P2RX7: variants seen among roughly 807,000 people sequenced by gnomAD.
P2RX7 encodes purinergic receptor P2X 7, also known as P2X purinoceptor 7.
In P2RX7, 62 loss-of-function variants were observed where a neutral mutation model predicts 71.6. That is an observed-to-expected ratio of 0.87 (90% confidence interval 0.71 to 1.07). P2RX7 has a LOEUF of 1.07. Ranked by LOEUF, P2RX7 falls within the 50% of genes least tolerant of loss-of-function variation. P2RX7 has a pLI of 0.00. For synonymous variants in P2RX7, 299 were observed against 283.3 expected, an observed-to-expected ratio of 1.06 and a Z score of -0.56; for missense variants, 686 against 748.5, an observed-to-expected ratio of 0.92 and a Z score of 0.97.
At chr12:121,166,342 C>A (rs1180652670) in intron 7 of P2RX7, among the ~76,000 whole-genome samples, 155 bp downstream of exon 7, 1 of 152,208 alleles carries the variant, frequency 6.6e-6, no homozygotes, top group Non-Finnish European at 1.5e-5. Flanking sequence ...ACTTTACCTA[C>A]CATACCTCGT....
At chr12:121,162,604 T>A in intron 5 of P2RX7, 84 bp downstream of exon 5, 1 of 1,513,598 alleles carries the variant, frequency 6.6e-7, no homozygotes, top group South Asian at 1.2e-5. Flanking sequence ...CCTTCCCCTC[T>A]CAGCACAGCC....
At chr12:121,174,385 T>G (rs552331164) in intron 8 of P2RX7, among the ~76,000 whole-genome samples, 50 of 152,146 alleles carry the variant, frequency 3.3e-4, no homozygotes, top group South Asian at 1.5e-3. Context: ...CCTGTAGTGG[T>G]GCACGCTTGT....
chr12:121,137,830 G>C (rs986431410), intron 1 of P2RX7, among the ~76,000 whole-genome samples: 1 of 152,250 alleles, frequency 6.6e-6, no homozygotes, highest in African/African-American at 2.4e-5. Flanking sequence ...ACAGCAGCAA[G>C]TGACAGGTTC....
At chr12:121,170,247 C>T (rs796292136) in intron 8 of P2RX7, among the ~76,000 whole-genome samples, 32 of 152,266 alleles carry the variant, frequency 2.1e-4, no homozygotes, top group African/African-American at 7.7e-4. Flanking sequence ...CCCTGACTGA[C>T]TGCCCTTCCA....
At chr12:121,174,484 G>A (rs984905876) in intron 8 of P2RX7, among the ~76,000 whole-genome samples, 1 of 152,132 alleles carries the variant, frequency 6.6e-6, no homozygotes, top group African/African-American at 2.4e-5. Flanking sequence ...TCATGCCAGT[G>A]CTCTCCAACC....
At position 121,155,447 on chromosome 12, in the gene P2RX7, T is replaced by A; in HGVS notation, c.294+494T>A. On this transcript the variant is annotated intron_variant, in intron 2 of 12. Transcript: ENST00000328963. ...GCATCGGTCACTGAGAGAAGGCGTG[T>A]GACTTCTAGATTTGCAAGCAGGGAA... 4.2e-6 allele frequency: 5 copies of A among 1,187,086 alleles called. No individual in the cohort carries two copies. In the South Asian group the frequency reaches 6.4e-5, roughly 15 times the overall value. 73.5% of individuals were successfully genotyped at this position (1,187,086 alleles called of 1,614,324 possible). A position where few individuals can be genotyped will look rare whatever the true frequency, so the allele number is the denominator to read the frequency against.
chr12:121,148,882 C>A (rs917109494), intron 1 of P2RX7: 1 of 332,860 alleles, frequency 3.0e-6, no homozygotes, highest in Non-Finnish European at 5.9e-6. Context: ...ACAGTCCTGG[C>A]GCTACTGTTC....
intron 3 of P2RX7, among the ~76,000 whole-genome samples, chr12:121,157,338 G>A (rs1047420775): frequency 6.6e-6 from 1 of 152,198 alleles, no homozygotes; most frequent in Non-Finnish European, 1.5e-5. Context: ...CTGTCTTTGA[G>A]TACAGTCTTT....
intron 6 of P2RX7, among the ~76,000 whole-genome samples, chr12:121,165,652 T>C (rs1402447562): frequency 6.6e-6 from 1 of 152,194 alleles, no homozygotes; most frequent in Non-Finnish European, 1.5e-5. Flanking sequence ...TAGGCTTGAC[T>C]GGGGCTGGAG....
chr12:121,162,259 C>T (rs1232994377), intron 4 of P2RX7, 165 bp from the exon 5 acceptor site: 15 of 1,415,632 alleles, frequency 1.1e-5, no homozygotes, highest in Non-Finnish European at 1.3e-5. Context: ...GCCTTGTGTT[C>T]GTTGTGGTTA....
chr12:121,183,309 G>C (rs182126236), intron 12 of P2RX7, among the ~76,000 whole-genome samples: 56 of 151,154 alleles, frequency 3.7e-4, no homozygotes, highest in African/African-American at 1.2e-3. Flanking sequence ...AGTGGCTCAC[G>C]CTTGTAATCT....
intron 8 of P2RX7, among the ~76,000 whole-genome samples, chr12:121,169,142 T>C (rs1881685418): frequency 6.6e-6 from 1 of 151,976 alleles, no homozygotes. Flanking sequence ...ATTTTTAAAA[T>C]TTTTTTGTAG....
intron 8 of P2RX7, among the ~76,000 whole-genome samples, chr12:121,169,579 G>GT (rs1264818864): frequency 6.6e-6 from 1 of 152,056 alleles, no homozygotes; most frequent in Non-Finnish European, 1.5e-5. Context: ...TTCTGTTTCT[G>GT]TTTTTTTGTT....
In P2RX7 at chr12:121,174,858, G is replaced by A. The variant is rs139282112; in HGVS notation, c.882-530G>A. Among the ~76,000 whole-genome samples the A allele has an allele frequency of 4.3e-3, 647 of 152,108 alleles. 1 individual carries two copies. The highest frequency in any genetic ancestry group is 6.6e-3 in the Non-Finnish European group (450 of 67,994). On this transcript the variant is annotated intron_variant, in intron 8 of 12. Coordinates refer to ENST00000328963, the MANE Select transcript of P2RX7 (RefSeq NM_002562.6). ...ACTCTGAGATGATGCAGGTACAGGT[G>A]GTGACATGGGGAGGGGGGACTGCTC...
Position 121,145,378 on chromosome 12 carries a change from T to C in P2RX7, c.126-9407T>C, listed in dbSNP as rs371996202. On this transcript the variant is annotated intron_variant, in intron 1 of 12. Coordinates refer to ENST00000328963, the MANE Select transcript of P2RX7 (RefSeq NM_002562.6). ...TCTATTGGATTTAGTGACAACGACATTGTTGTTTACTTGGCAAGAGAGGCT... is the reference window on the plus strand; with the variant it reads ...TCTATTGGATTTAGTGACAACGACACTGTTGTTTACTTGGCAAGAGAGGCT... Among the ~76,000 whole-genome samples, 7 of 152,198 alleles carry C rather than the reference T, an allele frequency of 4.6e-5. No homozygotes were observed. The East Asian group carries it at 9.7e-4, about 21-fold the overall frequency.
chr12:121,164,332 C>A (rs11065464), intron 5 of P2RX7, among the ~76,000 whole-genome samples: 31,155 of 152,162 alleles, frequency 0.2, 3,721 homozygotes, highest in East Asian at 0.32. Context: ...TCATACGTAA[C>A]TACGCATAAG....
chr12:121,183,176 CA>C (rs34522323), intron 12 of P2RX7, among the ~76,000 whole-genome samples: 56,639 of 145,294 alleles, frequency 0.39, 11,013 homozygotes, highest in African/African-American at 0.43. Flanking sequence ...GACTCCATCT[CA>C]AAAAAAAAAA....
intron 12 of P2RX7, among the ~76,000 whole-genome samples, chr12:121,182,409 T>C (rs1884289426): frequency 6.6e-6 from 1 of 152,218 alleles, no homozygotes; most frequent in Non-Finnish European, 1.5e-5. Flanking sequence ...TCTGTGGTTG[T>C]CTGAATATCA....
Position 121,185,103 on chromosome 12 carries a change from T to G in P2RX7, c.*301T>G. ...TCCCCCAAAAAAAAAAAAGAGTCCT[T>G]ACCAATAGCAGGGGCTGCAGTAGCC... On this transcript the variant is annotated 3_prime_UTR_variant, in exon 13 of 13. Coordinates refer to ENST00000328963, the MANE Select transcript of P2RX7 (RefSeq NM_002562.6). The G allele has an allele frequency of 7.8e-6, 2 of 256,774 alleles. No individual in the cohort carries two copies. The highest frequency in any genetic ancestry group is 1.5e-5 in the Non-Finnish European group (2 of 134,072). 15.9% of individuals were successfully genotyped at this position (256,774 alleles called of 1,614,324 possible).
Sources: gnomAD v4.1 joint callset for allele counts (sites outside exome capture counted in the v4.1 genomes callset) on GRCh38, gnomAD v4.1.1 for gene constraint, MANE v1.5 for transcripts, NCBI Gene and HGNC (gene_info 2026-07-23, HGNC 2026-07-21) for gene names.